USP39: variants seen among roughly 807,000 people sequenced by gnomAD.
USP39 encodes the protein ubiquitin carboxyl-terminal hydrolase 39.
In USP39, 38 loss-of-function variants were observed where a neutral mutation model predicts 66.4. The observed-to-expected ratio is 0.57, with a 90% CI of 0.44 to 0.75. The LOEUF is 0.75. Among genes scored for constraint, USP39 ranks in the 30% least tolerant of loss-of-function variants. The pLI is 0.00. For missense variants in USP39, 608 were observed against 714.4 expected (o/e 0.85, Z 1.70); for synonymous variants, 303 against 274.6 (o/e 1.10, Z -1.02).
intron 2 of USP39, among the ~76,000 whole-genome samples, chr2:85,620,688 G>A (rs1674395221): frequency 6.6e-6 from 1 of 152,040 alleles, no homozygotes; most frequent in Non-Finnish European, 1.5e-5. Context: ...TATTTGAAGG[G>A]GTCCTAGAAC....
rs144253591 is a variant in USP39, at chr2:85,647,119, C to T, written c.1564-811C>T. Among the ~76,000 whole-genome samples the T allele has an allele frequency of 9.1e-4, 138 of 152,222 alleles. 1 individual carries two copies. In the Middle Eastern group the frequency reaches 0.024, roughly 26 times the overall value. On this transcript the variant is annotated intron_variant, in intron 11 of 12. Transcript: ENST00000323701. ...GGCCAGGCTGGTCTCAAACTCCTTACCTCAAGTGATCTGCCCACCTCGGCC... is the reference window on the plus strand; with the variant it reads ...GGCCAGGCTGGTCTCAAACTCCTTATCTCAAGTGATCTGCCCACCTCGGCC...
chr2:85,636,271 C>A (rs4416212), intron 7 of USP39, 141 bp downstream of exon 7: 1 of 707,818 alleles, frequency 1.4e-6, no homozygotes, highest in African/African-American at 1.8e-5. Flanking sequence ...AGTTTGAGAC[C>A]GGCCTGGCCA....
chr2:85,608,700 TCA>T (rs1673309662), upstream of USP39: 1 of 185,998 alleles, frequency 5.4e-6, no homozygotes, highest in African/African-American at 1.3e-4. Context: ...CACAAAATCC[TCA>T]AAAAAAAAAA....
chr2:85,642,115 C>A (rs911872620), intron 10 of USP39, among the ~76,000 whole-genome samples: 18 of 152,076 alleles, frequency 1.2e-4, no homozygotes, highest in African/African-American at 4.3e-4. Flanking sequence ...TGGGCCTGAG[C>A]CCTAGGGGTT....
intron 10 of USP39, among the ~76,000 whole-genome samples, chr2:85,641,455 C>T (rs1462037386): frequency 2.6e-5 from 4 of 152,162 alleles, no homozygotes; most frequent in Admixed American, 2.6e-4. Context: ...AGGGTCTGCC[C>T]ATCTATTTGC....
intron 10 of USP39, among the ~76,000 whole-genome samples, chr2:85,643,197 A>G (rs1676374883): frequency 6.6e-6 from 1 of 152,108 alleles, no homozygotes; most frequent in Non-Finnish European, 1.5e-5. Flanking sequence ...CTTGAGTATA[A>G]AGACTTCTCC....
chr2:85,645,337 C>T (rs556083188), intron 11 of USP39: 6 of 334,908 alleles, frequency 1.8e-5, no homozygotes, highest in South Asian at 8.1e-5. Flanking sequence ...AGTGCAGTGG[C>T]GTGATCTTGG....
At chr2:85,639,501 C>A in intron 9 of USP39, 110 bp downstream of exon 9, 1 of 1,216,506 alleles carries the variant, frequency 8.2e-7, no homozygotes, top group Non-Finnish European at 1.1e-6. Flanking sequence ...GTCGCCCAGG[C>A]TGGAGTGCAG....
At chr2:85,624,476 G>A (rs367732944) in intron 4 of USP39, among the ~76,000 whole-genome samples, 1 of 152,056 alleles carries the variant, frequency 6.6e-6, no homozygotes, top group African/African-American at 2.4e-5. Flanking sequence ...TTCCCAAGTA[G>A]CTAGGACTGT....
chr2:85,628,531 A>T (rs548876045), intron 5 of USP39, among the ~76,000 whole-genome samples: 3 of 152,182 alleles, frequency 2.0e-5, no homozygotes, highest in Non-Finnish European at 4.4e-5. Context: ...TTTAGATCGC[A>T]TAGGAAGTTC....
At chr2:85,621,696 A>G in intron 3 of USP39, 117 bp downstream of exon 3, 1 of 826,844 alleles carries the variant, frequency 1.2e-6, no homozygotes, top group Non-Finnish European at 1.9e-6. Context: ...TGTTCCCAGG[A>G]AATTGAAATA....
chr2:85,612,747 G>A (rs1263938248), upstream of USP39, among the ~76,000 whole-genome samples: 8 of 151,422 alleles, frequency 5.3e-5, no homozygotes, highest in African/African-American at 1.7e-4. Context: ...TGCAACCTCC[G>A]CCTCCCGGGT....
chr2:85,634,807 G>A (rs1387338192), intron 6 of USP39, among the ~76,000 whole-genome samples: 3 of 152,212 alleles, frequency 2.0e-5, no homozygotes, highest in Non-Finnish European at 4.4e-5. Context: ...GGATGGATGA[G>A]TGTCAGCATT....
intron 5 of USP39, among the ~76,000 whole-genome samples, 191 bp downstream of exon 5, chr2:85,625,882 G>A (rs1393353297): frequency 6.6e-6 from 1 of 151,922 alleles, no homozygotes; most frequent in African/African-American, 2.4e-5. Context: ...GCTAGATATG[G>A]TGGTGGAAGC....
chr2:85,623,716 C>T lies in USP39; in HGVS notation c.504C>T (p.His168=), dbSNP rs1192887722. ...GCCACCATGTTTTCCTCAACCTCCA[C>T]ACCCTCAAGTTTTACTGCCTTCCAG... ...QFSHHVFLNL[H]TLKFYCLPDN... is the part of the protein sequence containing the mutation. Residue 168 remains histidine (H), a synonymous_variant, in exon 4 of 13, where the codon CAC becomes CAT. Coordinates refer to ENST00000323701, the MANE Select transcript of USP39 (RefSeq NM_006590.4). The T allele has an allele frequency of 2.5e-6, 4 of 1,613,948 alleles. No homozygotes were observed. Among genetic ancestry groups the T allele is most frequent in the African/African-American group, 1.3e-5 (1 of 74,900 alleles).
chr2:85,620,878 C>G (rs963666557), intron 2 of USP39, among the ~76,000 whole-genome samples: 1 of 148,660 alleles, frequency 6.7e-6, no homozygotes, highest in Non-Finnish European at 1.5e-5. Flanking sequence ...GGTTTTTGTT[C>G]CTTACTGCCA....
intron 1 of USP39, among the ~76,000 whole-genome samples, chr2:85,616,798 C>T (rs1674011511): frequency 6.6e-6 from 1 of 151,760 alleles, no homozygotes; most frequent in South Asian, 2.1e-4. Flanking sequence ...CTACCTCCGC[C>T]TCCCAGGTAG....
At chr2:85,647,325 G>C (rs1008579942) in intron 11 of USP39, among the ~76,000 whole-genome samples, 1 of 152,112 alleles carries the variant, frequency 6.6e-6, no homozygotes, top group African/African-American at 2.4e-5. Context: ...CTCATCTTTA[G>C]TGTCCACTAA....
intron 7 of USP39, 59 bp downstream of exon 7, chr2:85,636,189 C>A: frequency 1.3e-6 from 2 of 1,513,826 alleles, no homozygotes; most frequent in South Asian, 2.3e-5. Context: ...ACTTTGCGGT[C>A]GGTCGCAATG....
Sources: allele counts gnomAD v4.1 joint callset (sites outside exome capture counted in the v4.1 genomes callset), GRCh38; gene constraint gnomAD v4.1.1; transcripts MANE v1.5; gene names NCBI Gene and HGNC (gene_info 2026-07-23, HGNC 2026-07-21).